COL22A1: variants seen among roughly 807,000 people sequenced by gnomAD.
The protein encoded by COL22A1 is collagen alpha-1(XXII) chain.
In COL22A1, 221 loss-of-function variants were observed where a neutral mutation model predicts 248.9. That is an observed-to-expected ratio of 0.89 (90% CI 0.80 to 0.99). The LOEUF (loss-of-function observed/expected upper bound fraction) is 0.99, where lower values mean the gene tolerates loss of function less well. COL22A1 is among the 50% of genes least tolerant of loss of function. The pLI, the probability that COL22A1 is intolerant of heterozygous loss-of-function variation, is 0.00. For synonymous variants in COL22A1, 891 were observed against 793.4 expected (o/e 1.12, Z -2.07); for missense variants, 2,240 against 2,179.0 (o/e 1.03, Z -0.56).
At chr8:138,874,575 A>C (rs1400690938) in intron 3 of COL22A1, among the ~76,000 whole-genome samples, 2 of 152,166 alleles carry the variant, frequency 1.3e-5, no homozygotes, top group African/African-American at 4.8e-5. Context: ...CTGCTGGGTA[A>C]TAATCTCTTC....
At chr8:138,602,919 T>A (rs922587421) in intron 59 of COL22A1, among the ~76,000 whole-genome samples, 6 of 152,226 alleles carry the variant, frequency 3.9e-5, no homozygotes, top group Admixed American at 3.9e-4. Flanking sequence ...CTAACTTTCT[T>A]TCTCCCCAGA....
chr8:138,829,140 T>C (rs1374953084), intron 5 of COL22A1, among the ~76,000 whole-genome samples: 1 of 152,214 alleles, frequency 6.6e-6, no homozygotes, highest in Non-Finnish European at 1.5e-5. Context: ...ATCTCCAGGC[T>C]GGGAGATGAC....
At chr8:138,805,438 T>C (rs1343357974) in intron 10 of COL22A1, among the ~76,000 whole-genome samples, 13 of 143,402 alleles carry the variant, frequency 9.1e-5, no homozygotes, top group Non-Finnish European at 1.5e-4. Context: ...TGGTGTGGGA[T>C]GGTGTGTGGT....
chr8:138,606,307 C>T, intron 58 of COL22A1, 74 bp downstream of exon 58: 2 of 1,303,590 alleles, frequency 1.5e-6, no homozygotes, highest in East Asian at 4.9e-5. Flanking sequence ...CAGGAGGTGG[C>T]AGGGAAGGTA....
chr8:138,724,404 A>T (rs1429147984), intron 25 of COL22A1, among the ~76,000 whole-genome samples: 1 of 152,190 alleles, frequency 6.6e-6, no homozygotes, highest in African/African-American at 2.4e-5. Context: ...TGGCCAGGGC[A>T]CCCAGGGAGC....
chr8:138,909,618 C>A (rs918369370), intron 1 of COL22A1, among the ~76,000 whole-genome samples: 2 of 152,142 alleles, frequency 1.3e-5, no homozygotes, highest in African/African-American at 4.8e-5. Flanking sequence ...CAGAACACAG[C>A]CAGGGTTAAC....
intron 16 of COL22A1, among the ~76,000 whole-genome samples, chr8:138,766,664 C>G (rs376061264): frequency 6.6e-6 from 1 of 151,900 alleles, no homozygotes; most frequent in African/African-American, 2.4e-5. Context: ...GCAGAGAGAC[C>G]GAGAAAGACA....
chr8:138,618,105 G>A (rs976027404), intron 53 of COL22A1, among the ~76,000 whole-genome samples: 4 of 152,146 alleles, frequency 2.6e-5, no homozygotes, highest in Non-Finnish European at 5.9e-5. Context: ...TGCTGGGAAC[G>A]TTACATGTCC....
chr8:138,642,840 C>A (rs1405204889), intron 47 of COL22A1, among the ~76,000 whole-genome samples: 1 of 152,110 alleles, frequency 6.6e-6, no homozygotes, highest in Non-Finnish European at 1.5e-5. Flanking sequence ...ACCAGCCTGA[C>A]CAACATGGTG....
intron 22 of COL22A1, among the ~76,000 whole-genome samples, chr8:138,745,170 AT>A (rs559951643): frequency 0.012 from 1,771 of 150,308 alleles, 29 homozygotes; most frequent in African/African-American, 0.037. Context: ...ACAATATACA[AT>A]TTTTTTTTAC....
At position 138,878,001 on chromosome 8, in the gene COL22A1, C is replaced by T. The variant is rs1401231530; in HGVS notation, c.407G>A (p.Arg136His). The change falls in exon 3 of 65, where the codon CGC becomes CAC. Residue 136 changes from arginine to histidine, a missense_variant. Transcript: ENST00000303045. ...ARSFSPHAGG[R>H]PRDRAYKQVA... is the part of the protein sequence containing the mutation. ...CTGCTTGTAGGCGCGGTCCCTGGGG[C>T]GGCCGCCGGCGTGTGGGGAGAAGCT... is the stretch of plus-strand genomic sequence containing the variant. The T allele has an allele frequency of 9.5e-6, 15 of 1,580,644 alleles. No homozygotes were observed. Among genetic ancestry groups the T allele is most frequent in the East Asian group, 2.3e-5 (1 of 42,984 alleles).
At chr8:138,872,716 C>A (rs532044871) in intron 3 of COL22A1, among the ~76,000 whole-genome samples, 1 of 152,224 alleles carries the variant, frequency 6.6e-6, no homozygotes, top group Non-Finnish European at 1.5e-5. Flanking sequence ...AATGGAGAAG[C>A]AGGAGTTGAT....
At chr8:138,800,889 C>G (rs989765765) in intron 11 of COL22A1, among the ~76,000 whole-genome samples, 6 of 152,174 alleles carry the variant, frequency 3.9e-5, no homozygotes, top group Non-Finnish European at 8.8e-5. Context: ...CACCTACTGC[C>G]TGACAAGTGA....
chr8:138,590,136 T>C (rs572890770), intron 64 of COL22A1, among the ~76,000 whole-genome samples: 1 of 152,154 alleles, frequency 6.6e-6, no homozygotes, highest in Non-Finnish European at 1.5e-5. Context: ...ATCTTTCTTC[T>C]TACCTTTGGC....
rs749427059 is a variant in COL22A1, at chr8:138,688,990, G to A, written c.2809-20C>T. 42 of 1,605,102 alleles carry A rather than the reference G, an allele frequency of 2.6e-5. No homozygotes were observed. The highest frequency in any genetic ancestry group is 3.5e-5 in the Non-Finnish European group (41 of 1,172,012). On this transcript the variant is annotated intron_variant, in intron 36 of 64. Transcript: ENST00000303045. ...AGCACCCTGTGGCAAGGAAGATTAC[G>A]GACATGGTGAATTTAAAGATGACTG...
Position 138,715,671 on chromosome 8 carries a change from G to T in COL22A1, c.2517+11C>A, listed in dbSNP as rs746884693. ...TAATTGATGGTCAGAATGAGAGCAA[G>T]TTTCTCCTACCTTTTCACCTCGGTC... On this transcript the variant is annotated intron_variant, in intron 30 of 64. Coordinates refer to ENST00000303045, the MANE Select transcript of COL22A1 (RefSeq NM_152888.3). 3.1e-6 allele frequency: 5 copies of T among 1,604,856 alleles called. No individual in the cohort carries two copies. The highest frequency in any genetic ancestry group is 2.2e-5 in the South Asian group (2 of 89,936).
At chr8:138,882,223 C>G (rs1482570766) in intron 2 of COL22A1, among the ~76,000 whole-genome samples, 1 of 152,036 alleles carries the variant, frequency 6.6e-6, no homozygotes, top group African/African-American at 2.4e-5. Flanking sequence ...AACTCATTCC[C>G]TCTCTCTGTC....
chr8:138,722,217 A>C, intron 25 of COL22A1, 128 bp from the exon 26 acceptor site: 1 of 722,270 alleles, frequency 1.4e-6, no homozygotes, highest in Non-Finnish European at 2.3e-6. Context: ...CTGCTCTTTG[A>C]TTAGCAGGGC....
chr8:138,832,894 G>A, intron 5 of COL22A1, 145 bp downstream of exon 5: 2 of 600,036 alleles, frequency 3.3e-6, no homozygotes, highest in Non-Finnish European at 6.1e-6. Flanking sequence ...CAGTGGTTCA[G>A]CTGCTTCATC....
Sources: gnomAD v4.1 joint callset for allele counts (sites outside exome capture counted in the v4.1 genomes callset) on GRCh38, gnomAD v4.1.1 for gene constraint, MANE v1.5 for transcripts, NCBI Gene and HGNC (gene_info 2026-07-23, HGNC 2026-07-21) for gene names.